ADAMTSL1: variants seen among roughly 807,000 people sequenced by gnomAD.
The protein encoded by ADAMTSL1 is ADAMTS like 1, also known as ADAMTS-like protein 1.
In ADAMTSL1, 126 loss-of-function variants were observed where a neutral mutation model predicts 201.8. The observed-to-expected ratio is 0.62, with a 90% CI of 0.54 to 0.72. The LOEUF is 0.72. Among genes scored for constraint, ADAMTSL1 ranks in the 30% least tolerant of loss-of-function variants. The probability of loss-of-function intolerance (pLI) is 0.00; values close to 1 mark genes in which losing one functional copy is unlikely to be tolerated. For missense variants in ADAMTSL1, 2,679 were observed against 2,277.8 expected (o/e 1.18, Z -3.59); for synonymous variants, 1,121 against 903.4 (o/e 1.24, Z -4.32).
intron 2 of ADAMTSL1, among the ~76,000 whole-genome samples, chr9:18,252,242 A>G (rs1415553136): frequency 1.3e-5 from 2 of 152,170 alleles, no homozygotes; most frequent in Non-Finnish European, 2.9e-5. Context: ...ACTCAGTAGA[A>G]AAATAGGCAA....
At chr9:18,571,662 G>A (rs1004476911) in intron 3 of ADAMTSL1, among the ~76,000 whole-genome samples, 10 of 152,168 alleles carry the variant, frequency 6.6e-5, no homozygotes, top group East Asian at 1.9e-4. Flanking sequence ...AGACTCTATC[G>A]TATCTCAAGT....
At chr9:18,883,150 T>C (rs1251214190) in intron 23 of ADAMTSL1, among the ~76,000 whole-genome samples, 1 of 152,178 alleles carries the variant, frequency 6.6e-6, no homozygotes, top group Non-Finnish European at 1.5e-5. Context: ...ACCTCACACA[T>C]ACACATGCTG....
chr9:18,804,620 T>C (rs1231158351), intron 20 of ADAMTSL1, among the ~76,000 whole-genome samples: 1 of 152,220 alleles, frequency 6.6e-6, no homozygotes, highest in East Asian at 1.9e-4. Context: ...TCAGAATCCA[T>C]TATTACTAAT....
At chr9:18,418,149 C>A (rs1181880477) in intron 2 of ADAMTSL1, among the ~76,000 whole-genome samples, 1 of 152,180 alleles carries the variant, frequency 6.6e-6, no homozygotes, top group Non-Finnish European at 1.5e-5. Context: ...AATATTTATT[C>A]ATGATAAAAT....
chr9:18,697,045 A>T (rs1831601458), intron 13 of ADAMTSL1, among the ~76,000 whole-genome samples: 1 of 151,278 alleles, frequency 6.6e-6, no homozygotes. Context: ...ACACCCAGCT[A>T]ATTTTTGTAT....
chr9:18,498,591 G>A (rs538479509), intron 1 of ADAMTSL1, among the ~76,000 whole-genome samples: 2 of 152,204 alleles, frequency 1.3e-5, no homozygotes, highest in Middle Eastern at 3.4e-3. Context: ...GCCCGCCTCG[G>A]CCTCCCAAAG....
intron 1 of ADAMTSL1, among the ~76,000 whole-genome samples, chr9:17,927,449 T>C (rs1826594970): frequency 6.6e-6 from 1 of 151,998 alleles, no homozygotes; most frequent in African/African-American, 2.4e-5. Flanking sequence ...CATATATACA[T>C]ATACATGCAT....
intron 1 of ADAMTSL1, among the ~76,000 whole-genome samples, chr9:18,039,755 C>G (rs939524246): frequency 6.6e-6 from 1 of 152,090 alleles, no homozygotes; most frequent in Non-Finnish European, 1.5e-5. Context: ...TACCATAGAT[C>G]AAATGGTGGT....
intron 23 of ADAMTSL1, among the ~76,000 whole-genome samples, chr9:18,876,321 TGTGTGTGTGC>T (rs1187622690): frequency 2.0e-5 from 3 of 151,520 alleles, no homozygotes; most frequent in Non-Finnish European, 2.9e-5. Flanking sequence ...TGTGTGTGTG[TGTGTGTGTGC>T]GTGATTGTTT....
At chr9:17,945,872 C>T (rs1331099912) in intron 1 of ADAMTSL1, among the ~76,000 whole-genome samples, 13 of 149,870 alleles carry the variant, frequency 8.7e-5, no homozygotes, top group African/African-American at 2.7e-4. Flanking sequence ...TGCTAAATGA[C>T]GAGTTAATGG....
At chr9:18,124,173 C>A (rs774912430) in intron 1 of ADAMTSL1, among the ~76,000 whole-genome samples, 4 of 135,484 alleles carry the variant, frequency 3.0e-5, no homozygotes, top group East Asian at 2.4e-4. Context: ...ACCTCTGTGT[C>A]CTGGGTTCAA....
At chr9:18,052,458 A>G (rs1277619764) in intron 1 of ADAMTSL1, among the ~76,000 whole-genome samples, 3 of 152,200 alleles carry the variant, frequency 2.0e-5, no homozygotes, top group Non-Finnish European at 4.4e-5. Flanking sequence ...TTCTAGGCAG[A>G]GAAACCAGTG....
At chr9:18,743,271 T>C (rs1043887065) in intron 15 of ADAMTSL1, among the ~76,000 whole-genome samples, 1 of 152,156 alleles carries the variant, frequency 6.6e-6, no homozygotes, top group African/African-American at 2.4e-5. Flanking sequence ...AGACACTTTA[T>C]ATAATTGGAC....
intron 3 of ADAMTSL1, among the ~76,000 whole-genome samples, chr9:18,562,235 A>G (rs962863863): frequency 6.6e-6 from 1 of 152,162 alleles, no homozygotes; most frequent in Admixed American, 6.5e-5. Flanking sequence ...AAAATCTCTC[A>G]GCATTTGCTT....
In ADAMTSL1 at chr9:18,161,642, T is replaced by C. The variant is rs138328870; in HGVS notation, c.88-2220T>C. Among the ~76,000 whole-genome samples the C allele has an allele frequency of 2.3e-3, 355 of 152,126 alleles. 1 individual carries two copies. The highest frequency in any genetic ancestry group is 8.1e-3 in the African/African-American group (338 of 41,548). On this transcript the variant is annotated intron_variant, in intron 1 of 29. Coordinates refer to the ADAMTSL1 transcript ENST00000680146. ...TACCTAGAGCTTGAAGAGCTGTGAG[T>C]GGCCCTGAATAACAAGTCCATGAAT...
At chr9:18,650,419 G>T (rs1434367014) in intron 7 of ADAMTSL1, among the ~76,000 whole-genome samples, 1 of 151,976 alleles carries the variant, frequency 6.6e-6, no homozygotes, top group Non-Finnish European at 1.5e-5. Context: ...CCACTGTCTG[G>T]CACTCCCTAG....
intron 2 of ADAMTSL1, among the ~76,000 whole-genome samples, chr9:18,213,113 A>C (rs1829937120): frequency 6.6e-6 from 1 of 152,164 alleles, no homozygotes; most frequent in Non-Finnish European, 1.5e-5. Flanking sequence ...CCAAAAATTC[A>C]CTTACCACAT....
intron 13 of ADAMTSL1, among the ~76,000 whole-genome samples, chr9:18,697,354 C>T (rs1025132128): frequency 2.0e-5 from 3 of 152,208 alleles, no homozygotes; most frequent in South Asian, 4.2e-4. Context: ...TCTGTATCAC[C>T]ACCAGACCTC....
intron 3 of ADAMTSL1, among the ~76,000 whole-genome samples, chr9:18,569,630 C>T (rs1159746992): frequency 6.6e-6 from 1 of 152,110 alleles, no homozygotes; most frequent in Non-Finnish European, 1.5e-5. Context: ...TCCTGTGCAT[C>T]CCTCCCACAC....
Sources: allele counts gnomAD v4.1 joint callset (sites outside exome capture counted in the v4.1 genomes callset), GRCh38; gene constraint gnomAD v4.1.1; transcripts MANE v1.5; gene names NCBI Gene and HGNC (gene_info 2026-07-23, HGNC 2026-07-21).